Variants in GIT2 observed in about 807,000 individuals in gnomAD.
The protein encoded by GIT2 is GIT ArfGAP 2, also known as ARF GTPase-activating protein GIT2.
In GIT2, 32 loss-of-function variants were observed where a neutral mutation model predicts 100.3. The observed-to-expected ratio is 0.32, with a 90% CI of 0.24 to 0.43. The LOEUF (loss-of-function observed/expected upper bound fraction) is 0.43. GIT2 is among the 20% of genes least tolerant of loss of function. The probability of loss-of-function intolerance (pLI) is 1.00; values close to 1 mark genes in which losing one functional copy is unlikely to be tolerated. For synonymous variants in GIT2, 353 were observed against 364.1 expected, an observed-to-expected ratio of 0.97 and a Z score of 0.35; for missense variants, 737 against 975.1, an observed-to-expected ratio of 0.76 and a Z score of 3.25.
chr12:109,953,381 AG>A, intron 12 of GIT2, 147 bp from the exon 13 acceptor site: 1 of 725,502 alleles, frequency 1.4e-6, no homozygotes, highest in South Asian at 1.8e-5. Flanking sequence ...GCATTCTAGG[AG>A]GCCAAGGAGG....
At chr12:109,961,180 T>C (rs995739714) in intron 11 of GIT2, 98 bp downstream of exon 11, 2 of 705,200 alleles carry the variant, frequency 2.8e-6, no homozygotes, top group African/African-American at 3.6e-5. Flanking sequence ...TATTAAATTT[T>C]AATCAATCAA....
intron 9 of GIT2, among the ~76,000 whole-genome samples, chr12:109,964,525 T>C (rs986649066): frequency 2.6e-5 from 4 of 151,578 alleles, no homozygotes; most frequent in African/African-American, 9.7e-5. Context: ...ATCAGAGAGA[T>C]GGAAGCTGGG....
At chr12:109,936,501 C>T (rs554325482) in intron 18 of GIT2, among the ~76,000 whole-genome samples, 11 of 152,258 alleles carry the variant, frequency 7.2e-5, no homozygotes, top group South Asian at 2.1e-4. Context: ...AAATGAAAAG[C>T]GAAGCACATT....
chr12:109,940,880 AAAAACAAAACAAAAC>A (rs746121434), intron 16 of GIT2, among the ~76,000 whole-genome samples: 2 of 151,118 alleles, frequency 1.3e-5, no homozygotes, highest in East Asian at 3.9e-4. Context: ...CCCTAACTCA[AAAAACAAAACAAAAC>A]AAAACAAAAC....
At chr12:109,977,401 C>T (rs1229031976) in intron 7 of GIT2, among the ~76,000 whole-genome samples, 2 of 151,978 alleles carry the variant, frequency 1.3e-5, no homozygotes, top group Non-Finnish European at 2.9e-5. Flanking sequence ...GTCCCAGCTA[C>T]TGTGGATGCT....
chr12:109,980,466 C>T (rs1304988114), intron 7 of GIT2, among the ~76,000 whole-genome samples: 1 of 152,148 alleles, frequency 6.6e-6, no homozygotes, highest in Non-Finnish European at 1.5e-5. Flanking sequence ...CGATACAAAA[C>T]TTTGTTTAAT....
chr12:109,996,785 A>G (rs1889494620), upstream of GIT2, among the ~76,000 whole-genome samples: 1 of 152,188 alleles, frequency 6.6e-6, no homozygotes, highest in South Asian at 2.1e-4. Flanking sequence ...AGAATATATT[A>G]TATGATTCCA....
intron 1 of GIT2, 145 bp downstream of exon 1, chr12:109,996,027 CG>C (rs1354137390): frequency 1.9e-6 from 1 of 523,056 alleles, no homozygotes. Flanking sequence ...CTGACAGGCC[CG>C]GGACGGTTCC....
intron 7 of GIT2, among the ~76,000 whole-genome samples, chr12:109,969,865 C>T (rs1883429642): frequency 6.6e-6 from 1 of 151,970 alleles, no homozygotes; most frequent in Non-Finnish European, 1.5e-5. Flanking sequence ...AAGCGATTCT[C>T]CTGCCTTAGC....
chr12:109,969,262 G>C (rs1043982609), intron 7 of GIT2, among the ~76,000 whole-genome samples: 1 of 149,056 alleles, frequency 6.7e-6, no homozygotes, highest in Non-Finnish European at 1.5e-5. Flanking sequence ...CTGCCTCCCG[G>C]GTTCAAGCAA....
chr12:109,963,368 C>T (rs1368755285), intron 9 of GIT2, among the ~76,000 whole-genome samples: 1 of 152,210 alleles, frequency 6.6e-6, no homozygotes, highest in East Asian at 1.9e-4. Flanking sequence ...CTCCATGGGA[C>T]TACAAGCTAA....
At chr12:109,940,078 A>G (rs1363603266) in intron 16 of GIT2, 2 of 152,218 alleles carry the variant, frequency 1.3e-5, no homozygotes, top group African/African-American at 4.8e-5. Context: ...GCTACCTCCA[A>G]TATTTCATGC....
chr12:109,991,672 T>C lies in GIT2; in HGVS notation c.141A>G (p.Gln47=), dbSNP rs1344210989. 2.5e-6 allele frequency: 4 copies of C among 1,613,334 alleles called. No homozygotes were observed. In the South Asian group the frequency reaches 3.3e-5, roughly 13 times the overall value. Residue 47 remains glutamine, a synonymous_variant, in exon 2 of 20, where the codon CAA becomes CAG. Coordinates refer to ENST00000355312, the MANE Select transcript of GIT2 (RefSeq NM_057169.5). ...VHRSLGRHIS[Q]VRHLKHTPWP... is the part of the protein sequence containing the mutation. ...ACGGTGTGTGTTTCAGATGCCTCAC[T>C]TGGGAGATATGGCGCCCTAGACTCC...
chr12:109,948,541 C>T lies in GIT2; in HGVS notation c.1393-1037G>A. 1 of 1,319,938 alleles carries T rather than the reference C, an allele frequency of 7.6e-7. No individual in the cohort carries two copies. Among genetic ancestry groups the T allele is most frequent in the Non-Finnish European group, 9.6e-7 (1 of 1,038,818 alleles). 81.8% of individuals were successfully genotyped at this position (1,319,938 alleles called of 1,614,324 possible). A position where few individuals can be genotyped will look rare whatever the true frequency, so the allele number is the denominator to read the frequency against. On this transcript the variant is annotated intron_variant, in intron 14 of 19. Transcript: ENST00000355312. The surrounding 1 kb of genome is among the most constrained non-coding windows in gnomAD (Gnocchi z 4.3). ...CATTTTAAACACCATTCACCACGTCCATTCTGCGCAGGGTCCTTCCCTTCT... is the reference window on the plus strand; with the variant it reads ...CATTTTAAACACCATTCACCACGTCTATTCTGCGCAGGGTCCTTCCCTTCT...
rs1287081324 is a variant in GIT2 at position 109,962,672 on chromosome 12, C to T, written c.817-987G>A. Among the ~76,000 whole-genome samples the T allele has an allele frequency of 6.6e-6, 1 of 152,238 alleles. No homozygotes were observed. Among genetic ancestry groups the T allele is most frequent in the African/African-American group, 2.4e-5 (1 of 41,458 alleles). On this transcript the variant is annotated intron_variant, in intron 9 of 19. Transcript: ENST00000355312. The surrounding 1 kb of genome is among the most constrained non-coding windows in gnomAD (Gnocchi z 4.3). ...TTCTGCCTCATGCAACACCTTGACA[C>T]GTGGTAGTTGTGACTCTTAAACTGT... is the stretch of plus-strand genomic sequence containing the variant.
chr12:109,959,964 G>T lies in GIT2; in HGVS notation c.988-6C>A. The T allele has an allele frequency of 1.3e-6, 2 of 1,587,090 alleles. No individual in the cohort carries two copies. Among genetic ancestry groups the T allele is most frequent in the Non-Finnish European group, 1.7e-6 (2 of 1,155,852 alleles). ...CGAGCTAACTTCTGTCTGCCCTAAA[G>T]GTGGGAAAATAATTGGAAATATTTC... is the stretch of plus-strand genomic sequence containing the variant. On this transcript the variant is annotated splice_polypyrimidine_tract_variant and splice_region_variant and intron_variant, in intron 11 of 19. Coordinates refer to ENST00000355312, the MANE Select transcript of GIT2 (RefSeq NM_057169.5).
chr12:109,983,377 C>T lies in GIT2; in HGVS notation c.619G>A (p.Ala207Thr). Residue 207 changes from alanine (A) to threonine (T), a missense_variant, in exon 6 of 20, where the codon GCA (alanine) becomes ACA (threonine). Ala to Thr is a moderately conservative substitution (Grantham distance 58, BLOSUM62 0). This residue lies in a region of GIT2 where 266 missense variants were observed against 376.2 expected (regional missense o/e 0.71). Coordinates refer to ENST00000355312, the MANE Select transcript of GIT2 (RefSeq NM_057169.5). ...GCGAGAATCTAGGTCTCTTACCTTGCATAATCAACGGGAGTTTTCCCACTA... is the reference window on the plus strand; with the variant it reads ...GCGAGAATCTAGGTCTCTTACCTTGTATAATCAACGGGAGTTTTCCCACTA... ...DSSGKTPVDY[A>T]RQGGHHELAE... 1 of 1,613,156 alleles carries T rather than the reference C, an allele frequency of 6.2e-7. No homozygotes were observed. The highest frequency in any genetic ancestry group is 8.5e-7 in the Non-Finnish European group (1 of 1,179,692).
Position 109,989,081 on chromosome 12 carries a change from CA to C in GIT2, c.300-14del. 6.6e-7 allele frequency: 1 copy of C among 1,518,520 alleles called. No homozygotes were observed. The highest frequency in any genetic ancestry group is 9.1e-7 in the Non-Finnish European group (1 of 1,094,340). The allele number at this position is 1,518,520 out of a possible 1,614,324, so 94.1% of individuals were successfully genotyped here. Reference sequence around the variant, plus strand: ...CGCTTTATTGGGACTGGTTCAAAAACAAAAAAGAAAACAGTTCACTCGTTCA... The same window carrying C: ...CGCTTTATTGGGACTGGTTCAAAAACAAAAAGAAAACAGTTCACTCGTTCA... On this transcript the variant is annotated splice_polypyrimidine_tract_variant and intron_variant, in intron 3 of 19. Coordinates refer to ENST00000355312, the MANE Select transcript of GIT2 (RefSeq NM_057169.5).
Position 109,946,486 on chromosome 12 carries a change from A to G in GIT2, c.1641+770T>C, listed in dbSNP as rs137860962. 5.2e-3 allele frequency among the ~76,000 whole-genome samples: 786 copies of G among 152,368 alleles called. 7 individuals carry two copies. The highest frequency in any genetic ancestry group is 0.018 in the African/African-American group (741 of 41,590). On this transcript the variant is annotated intron_variant, in intron 15 of 19. Coordinates refer to ENST00000355312, the MANE Select transcript of GIT2 (RefSeq NM_057169.5). ...TAAATGTAACATCTTGGCAAAACAC[A>G]TATTTTTATAATAAAGTAATCCAGA...
Sources: allele counts gnomAD v4.1 joint callset (sites outside exome capture counted in the v4.1 genomes callset), GRCh38; gene constraint gnomAD v4.1.1; regional missense constraint gnomAD v4.1.1; non-coding constraint Gnocchi (gnomAD v3.1); transcripts MANE v1.5; gene names NCBI Gene and HGNC (gene_info 2026-07-23, HGNC 2026-07-21).